The following ANKRD30A variants were observed in gnomAD, a reference collection of about 807,000 sequenced individuals.
The protein encoded by ANKRD30A is ankyrin repeat domain 30A.
ANKRD30A carries 170 observed loss-of-function variants against 166.3 expected under a neutral mutation model. That is an observed-to-expected ratio of 1.02 (90% CI 0.90 to 1.16). The LOEUF (loss-of-function observed/expected upper bound fraction) is 1.16. Ranked by LOEUF, ANKRD30A falls within the 50% of genes most tolerant of loss-of-function variation. ANKRD30A has a pLI of 0.00. For missense variants in ANKRD30A, 1,630 were observed against 1,518.0 expected (o/e 1.07, Z -1.23); for synonymous variants, 564 against 508.9 (o/e 1.11, Z -1.46).
chr10:37,191,503 G>A (rs943314353), intron 25 of ANKRD30A, among the ~76,000 whole-genome samples: 3 of 151,812 alleles, frequency 2.0e-5, no homozygotes, highest in Admixed American at 6.6e-5. Context: ...AGCATTCTAC[G>A]TTCAGCTTTT....
At chr10:37,190,377 G>C (rs1433470981) in intron 25 of ANKRD30A, among the ~76,000 whole-genome samples, 1 of 151,822 alleles carries the variant, frequency 6.6e-6, no homozygotes, top group East Asian at 1.9e-4. Context: ...GGTCAGGACA[G>C]AAAAGGTCAG....
intron 32 of ANKRD30A, 123 bp downstream of exon 32, chr10:37,216,517 GA>G (rs1842617753): frequency 2.2e-6 from 2 of 906,730 alleles, no homozygotes; most frequent in South Asian, 2.0e-5. Flanking sequence ...CTGTCTTGTA[GA>G]GTGTCAAATT....
At chr10:37,137,966 G>A (rs541502709) in intron 6 of ANKRD30A, among the ~76,000 whole-genome samples, 1 of 152,286 alleles carries the variant, frequency 6.6e-6, no homozygotes, top group South Asian at 2.1e-4. Flanking sequence ...AGCCTAACTG[G>A]GAGGCACCCC....
At chr10:37,207,217 A>G (rs547653564) in intron 31 of ANKRD30A, among the ~76,000 whole-genome samples, 16 of 152,266 alleles carry the variant, frequency 1.1e-4, no homozygotes, top group African/African-American at 3.6e-4. Flanking sequence ...TGAGACATCA[A>G]TTTTACATTC....
the ANKRD30A span, among the ~76,000 whole-genome samples, chr10:37,265,769 A>G: frequency 6.6e-6 from 1 of 152,232 alleles, no homozygotes; most frequent in Non-Finnish European, 1.5e-5. Context: ...TGTGGGTCAG[A>G]CTTTAATTGG....
chr10:37,252,503 G>A, the ANKRD30A span, among the ~76,000 whole-genome samples: 19 of 152,098 alleles, frequency 1.2e-4, no homozygotes, highest in Admixed American at 3.9e-4. Flanking sequence ...AACTATTTCC[G>A]ACCTATAGCT....
chr10:37,190,653 T>C (rs1003540636), intron 25 of ANKRD30A, among the ~76,000 whole-genome samples: 21 of 151,856 alleles, frequency 1.4e-4, no homozygotes, highest in African/African-American at 5.1e-4. Context: ...GGATTTTCTA[T>C]GAAGGAAAAT....
intron 34 of ANKRD30A, among the ~76,000 whole-genome samples, chr10:37,220,791 G>A (rs1027592017): frequency 2.0e-5 from 3 of 151,166 alleles, no homozygotes; most frequent in Non-Finnish European, 4.4e-5. Flanking sequence ...CAGGGTTCAT[G>A]TATAGTACAA....
chr10:37,235,244 T>C (rs564655154), downstream of ANKRD30A, among the ~76,000 whole-genome samples: 17 of 152,304 alleles, frequency 1.1e-4, 2 homozygotes, highest in African/African-American at 4.1e-4. Flanking sequence ...TATTCATTTT[T>C]CCCCCACAAG....
chr10:37,256,393 A>T, the ANKRD30A span, among the ~76,000 whole-genome samples: 1 of 152,196 alleles, frequency 6.6e-6, no homozygotes, highest in Admixed American at 6.5e-5. Context: ...AGTGGCTGGG[A>T]CCACAGGTGA....
At chr10:37,165,806 C>T (rs768936745) in intron 18 of ANKRD30A, among the ~76,000 whole-genome samples, 1 of 152,092 alleles carries the variant, frequency 6.6e-6, no homozygotes, top group Non-Finnish European at 1.5e-5. Flanking sequence ...AGCGTCAAAT[C>T]ATAGTGATGT....
intron 3 of ANKRD30A, among the ~76,000 whole-genome samples, chr10:37,131,590 T>G (rs1451776440): frequency 1.3e-5 from 2 of 152,164 alleles, no homozygotes; most frequent in Non-Finnish European, 2.9e-5. Flanking sequence ...TTGGGATTAT[T>G]GATAGAAGAG....
rs1323655983 is a variant in ANKRD30A, at chr10:37,164,069, C to G, written c.2003-1025C>G. On this transcript the variant is annotated intron_variant, in intron 17 of 35. Coordinates refer to ENST00000361713, the MANE Select transcript of ANKRD30A (RefSeq NM_052997.3). ...AAGTGTGATTTGAGTTTCCTGGACC[C>G]TCTGCATGAATTGTGAACATGAGCT... Among the ~76,000 whole-genome samples the G allele has an allele frequency of 2.7e-5, 4 of 147,710 alleles. No homozygotes were observed. The Admixed American group carries it at 2.8e-4, about 10-fold the overall frequency.
downstream of ANKRD30A, chr10:37,232,697 T>TATATAGAGAGAGAGAGAGAG (rs1273812991): frequency 2.0e-4 from 16 of 78,400 alleles, no homozygotes; most frequent in African/African-American, 7.8e-4. Flanking sequence ...TATATATAAA[T>TATATAGAGAGAGAGAGAGAG]AGAGAGAGAG....
the ANKRD30A span, among the ~76,000 whole-genome samples, chr10:37,259,393 A>G: frequency 6.6e-6 from 1 of 152,212 alleles, no homozygotes; most frequent in African/African-American, 2.4e-5. Context: ...GATATGGAAC[A>G]ACTAGAACTG....
At chr10:37,228,168 A>G (rs1843249048) in intron 34 of ANKRD30A, among the ~76,000 whole-genome samples, 1 of 152,064 alleles carries the variant, frequency 6.6e-6, no homozygotes, top group Admixed American at 6.6e-5. Context: ...GCACTAAAAA[A>G]TCAGGTTATG....
At chr10:37,202,457 A>G (rs1381943460) in intron 31 of ANKRD30A, among the ~76,000 whole-genome samples, 3 of 152,194 alleles carry the variant, frequency 2.0e-5, no homozygotes, top group South Asian at 2.1e-4. Flanking sequence ...AAGGCACCAC[A>G]TACCAGAATC....
chr10:37,203,165 T>C (rs1841760985), intron 31 of ANKRD30A, among the ~76,000 whole-genome samples: 1 of 152,114 alleles, frequency 6.6e-6, no homozygotes, highest in African/African-American at 2.4e-5. Flanking sequence ...TACCAAAGCC[T>C]GGCAGAGACA....
At chr10:37,208,274 A>G (rs770406156) in intron 31 of ANKRD30A, among the ~76,000 whole-genome samples, 1 of 152,084 alleles carries the variant, frequency 6.6e-6, no homozygotes, top group African/African-American at 2.4e-5. Context: ...CCAAACATCA[A>G]GCCAGTTTTG....
Sources: allele counts gnomAD v4.1 joint callset (sites outside exome capture counted in the v4.1 genomes callset), GRCh38; gene constraint gnomAD v4.1.1; transcripts MANE v1.5; gene names NCBI Gene and HGNC (gene_info 2026-07-23, HGNC 2026-07-21).